Variants in SND1 observed in about 807,000 individuals in gnomAD.
The protein encoded by SND1 is staphylococcal nuclease domain-containing protein 1.
SND1 carries 38 observed loss-of-function variants against 121.7 expected under a neutral mutation model. The observed-to-expected ratio is 0.31, with a 90% confidence interval of 0.24 to 0.41. The LOEUF is 0.41. SND1 is among the 10% of genes least tolerant of loss of function. The pLI, the probability that SND1 is intolerant of heterozygous loss-of-function variation, is 1.00. For synonymous variants in SND1, 401 were observed against 447.4 expected (o/e 0.90, Z 1.31); for missense variants, 868 against 1,184.6 (o/e 0.73, Z 3.92).
intron 12 of SND1, among the ~76,000 whole-genome samples, chr7:127,880,573 T>A (rs929855165): frequency 6.6e-6 from 1 of 152,166 alleles, no homozygotes; most frequent in Non-Finnish European, 1.5e-5. Flanking sequence ...ATATTCGGCT[T>A]TTCTGATCTC....
At chr7:128,023,482 A>G (rs1563091710) in intron 16 of SND1, among the ~76,000 whole-genome samples, 1 of 152,202 alleles carries the variant, frequency 6.6e-6, no homozygotes, top group Non-Finnish European at 1.5e-5. Context: ...ATGCATGACT[A>G]TCAGCACCTT....
intron 15 of SND1, among the ~76,000 whole-genome samples, chr7:127,975,384 CGTGTGT>C (rs10607765): frequency 1.2e-3 from 177 of 148,170 alleles, no homozygotes; most frequent in African/African-American, 4.0e-3. Context: ...TGACTCCCCT[CGTGTGT>C]GTGTGTGTGT....
chr7:128,080,167 C>T (rs901655343), intron 17 of SND1, among the ~76,000 whole-genome samples: 1 of 152,230 alleles, frequency 6.6e-6, no homozygotes, highest in Non-Finnish European at 1.5e-5. Flanking sequence ...ATCCTTATTC[C>T]TGTGTGCGTC....
chr7:127,683,375 C>G (rs939929228), intron 1 of SND1, among the ~76,000 whole-genome samples: 1 of 152,078 alleles, frequency 6.6e-6, no homozygotes, highest in East Asian at 1.9e-4. Flanking sequence ...ACCACCACAC[C>G]CAGCTACTTT....
chr7:127,798,462 C>T (rs901978629), intron 10 of SND1, among the ~76,000 whole-genome samples: 1 of 152,146 alleles, frequency 6.6e-6, no homozygotes, highest in Admixed American at 6.5e-5. Flanking sequence ...GTAGCTGGAA[C>T]TAAGGAATAT....
At chr7:127,782,686 G>A (rs1318243724) in intron 10 of SND1, among the ~76,000 whole-genome samples, 1 of 152,142 alleles carries the variant, frequency 6.6e-6, no homozygotes, top group East Asian at 1.9e-4. Context: ...GGAACACTTG[G>A]CTCCTCCCTC....
intron 15 of SND1, chr7:127,949,143 G>A (rs1801402118): frequency 1.3e-5 from 2 of 152,214 alleles, no homozygotes; most frequent in South Asian, 4.1e-4. Flanking sequence ...AATGTGAAGA[G>A]ATTTGAAGGG....
At position 127,784,363 on chromosome 7, in the gene SND1, C is replaced by A. The variant is rs192151476; in HGVS notation, c.1153-23121C>A. Among the ~76,000 whole-genome samples, 271 of 152,342 alleles carry A rather than the reference C, an allele frequency of 1.8e-3. 3 individuals are homozygous for A. The highest frequency in any genetic ancestry group is 1.4e-3 in the Non-Finnish European group (96 of 68,038). On this transcript the variant is annotated intron_variant, in intron 10 of 23. Coordinates refer to ENST00000354725, the MANE Select transcript of SND1 (RefSeq NM_014390.4). ...GCTCCCTCTCTAGCATGACCTCCTC[C>A]TGTTGTATTCCTTTTTGAACTCTCC...
At chr7:127,750,701 G>T (rs148253062) in intron 10 of SND1, among the ~76,000 whole-genome samples, 2 of 152,070 alleles carry the variant, frequency 1.3e-5, no homozygotes, top group Non-Finnish European at 2.9e-5. Flanking sequence ...GTGTCATGTC[G>T]ATGCCCAAAC....
At chr7:127,947,007 T>C (rs1801343689) in intron 15 of SND1, among the ~76,000 whole-genome samples, 1 of 152,052 alleles carries the variant, frequency 6.6e-6, no homozygotes, top group Non-Finnish European at 1.5e-5. Flanking sequence ...TTTCTAGAAG[T>C]TCAAGGGGTC....
In SND1 at chr7:128,089,520, T is replaced by C; in HGVS notation, c.2450T>C (p.Val817Ala). Reference sequence around the variant, plus strand: ...GCCCGCACGGACGCCGTGGACAGCGTAGTTCGGGATATCCAGAACACTCAG... The same window carrying C: ...GCCCGCACGGACGCCGTGGACAGCGCAGTTCGGGATATCCAGAACACTCAG... The part of the protein sequence containing the change: ...DDARTDAVDS[V>A]VRDIQNTQCL... Residue 817 changes from valine (V) to alanine (A), a missense_variant, in exon 22 of 24, where the codon GTA becomes GCA. Physicochemically the swap from Val to Ala is moderately conservative, Grantham distance 64 (BLOSUM62 0). Around this residue, in one of 2 missense-constraint regions of SND1, gnomAD observed 743 missense variants for 1,071.3 expected, o/e 0.69. Coordinates refer to ENST00000354725, the MANE Select transcript of SND1 (RefSeq NM_014390.4). The C allele has an allele frequency of 6.2e-7, 1 of 1,614,092 alleles. No homozygotes were observed. Among genetic ancestry groups the C allele is most frequent in the Non-Finnish European group, 8.5e-7 (1 of 1,179,970 alleles).
intron 16 of SND1, among the ~76,000 whole-genome samples, chr7:128,012,371 G>A (rs1803134596): frequency 6.6e-6 from 1 of 152,150 alleles, no homozygotes; most frequent in African/African-American, 2.4e-5. Context: ...TGCCAGCACT[G>A]CATGTCCCAT....
rs1463469412 is a variant in SND1 at position 127,678,123 on chromosome 7, AT to A, written c.79-8486del. ...TAATCAGTAGGTAACCTCAGATACC[AT>A]TTTAACAGAAATCAGCTCCCAAATG... On this transcript the variant is annotated intron_variant, in intron 1 of 23. Transcript: ENST00000354725. Among the ~76,000 whole-genome samples the A allele has an allele frequency of 3.3e-5, 5 of 152,358 alleles. No individual in the cohort carries two copies. The East Asian group carries it at 9.6e-4, about 29-fold the overall frequency.
At position 127,799,091 on chromosome 7, in the gene SND1, C is replaced by A. The variant is rs1258364969; in HGVS notation, c.1153-8393C>A. Among the ~76,000 whole-genome samples, 3 of 152,154 alleles carry A rather than the reference C, an allele frequency of 2.0e-5. No individual in the cohort carries two copies. The South Asian group carries it at 6.2e-4, about 32-fold the overall frequency. On this transcript the variant is annotated intron_variant, in intron 10 of 23. Coordinates refer to ENST00000354725, the MANE Select transcript of SND1 (RefSeq NM_014390.4). ...GTTTGTGGGAATCACACCAGACCTA[C>A]TGAGTCAGATTATCTGGTGTGGGCT...
At chr7:127,781,320 A>G (rs1485603197) in intron 10 of SND1, among the ~76,000 whole-genome samples, 2 of 152,226 alleles carry the variant, frequency 1.3e-5, no homozygotes, top group Non-Finnish European at 1.5e-5. Context: ...ATGGCTTGCA[A>G]GTGACTTAGC....
intron 10 of SND1, among the ~76,000 whole-genome samples, chr7:127,737,535 A>G (rs1167666338): frequency 6.6e-6 from 1 of 152,192 alleles, no homozygotes; most frequent in East Asian, 1.9e-4. Context: ...AGATCACAAC[A>G]TTGCACTCCA....
At chr7:127,844,681 C>T (rs916753533) in intron 12 of SND1, among the ~76,000 whole-genome samples, 1 of 152,118 alleles carries the variant, frequency 6.6e-6, no homozygotes, top group East Asian at 1.9e-4. Flanking sequence ...AAGTACACAT[C>T]ATTACTATTA....
chr7:127,713,905 C>T (rs924715424), intron 9 of SND1, among the ~76,000 whole-genome samples: 6 of 152,286 alleles, frequency 3.9e-5, no homozygotes, highest in Non-Finnish European at 5.9e-5. Flanking sequence ...TGAGCTTGCC[C>T]GAGACTTTTG....
intron 10 of SND1, among the ~76,000 whole-genome samples, chr7:127,789,517 T>A (rs1400518501): frequency 6.6e-6 from 1 of 152,210 alleles, no homozygotes; most frequent in African/African-American, 2.4e-5. Context: ...TCCTACATAA[T>A]GGCATTGTTT....
Sources: allele counts gnomAD v4.1 joint callset (sites outside exome capture counted in the v4.1 genomes callset), GRCh38; gene constraint gnomAD v4.1.1; regional missense constraint gnomAD v4.1.1; transcripts MANE v1.5; gene names NCBI Gene and HGNC (gene_info 2026-07-23, HGNC 2026-07-21).